Variants in EMILIN2 observed in about 807,000 individuals in gnomAD.
EMILIN2 encodes the protein elastin microfibril interfacer 2.
Under a neutral mutation model 87.1 loss-of-function variants are expected in EMILIN2, and 71 were observed. The observed-to-expected ratio is 0.82, with a 90% confidence interval of 0.67 to 0.99. The LOEUF (loss-of-function observed/expected upper bound fraction) is 0.99, where lower values mean the gene tolerates loss of function less well. Ranked by LOEUF, EMILIN2 falls within the 50% of genes least tolerant of loss-of-function variation. The probability of loss-of-function intolerance (pLI) is 0.00; values close to 1 mark genes in which losing one functional copy is unlikely to be tolerated. For missense variants in EMILIN2, 1,407 were observed against 1,371.8 expected, an observed-to-expected ratio of 1.03 and a Z score of -0.40; for synonymous variants, 581 against 563.4, an observed-to-expected ratio of 1.03 and a Z score of -0.44.
At chr18:2,883,290 C>A (rs147780758) in intron 2 of EMILIN2, among the ~76,000 whole-genome samples, 2 of 152,160 alleles carry the variant, frequency 1.3e-5, no homozygotes, top group East Asian at 1.9e-4. Context: ...AGTCCACCTG[C>A]CACAGGGCTG....
intron 3 of EMILIN2, among the ~76,000 whole-genome samples, chr18:2,888,284 A>C (rs1006431651): frequency 2.0e-5 from 3 of 152,140 alleles, no homozygotes; most frequent in South Asian, 2.1e-4. Context: ...TTGCACAGTC[A>C]CCGTGGTATA....
chr18:2,880,464 C>T lies in EMILIN2; in HGVS notation c.258-4500C>T, dbSNP rs1464911471. ...TCACAGGGGCGAGGCGGCAGGGCGA[C>T]AGGCCCAGGGTTACAGCCCCAAGGG... On this transcript the variant is annotated intron_variant, in intron 2 of 7. Coordinates refer to ENST00000254528, the MANE Select transcript of EMILIN2 (RefSeq NM_032048.3). The surrounding 1 kb of genome is among the most constrained non-coding windows in gnomAD (Gnocchi z 4.1). 6.6e-6 allele frequency among the ~76,000 whole-genome samples: 1 copy of T among 152,214 alleles called. No individual in the cohort carries two copies. Among genetic ancestry groups the T allele is most frequent in the African/African-American group, 2.4e-5 (1 of 41,450 alleles).
intron 2 of EMILIN2, among the ~76,000 whole-genome samples, chr18:2,861,929 TC>T (rs2076663138): frequency 6.6e-6 from 1 of 152,238 alleles, no homozygotes; most frequent in South Asian, 2.1e-4. Context: ...TTTGTAGTTC[TC>T]CTTGAAGAGG....
chr18:2,913,253 GC>G lies in EMILIN2; in HGVS notation c.3014del (p.Pro1005ArgfsTer10). On this transcript the variant is annotated frameshift_variant, in exon 8 of 8. Coordinates refer to ENST00000254528, the MANE Select transcript of EMILIN2 (RefSeq NM_032048.3). LOFTEE classifies it high-confidence loss of function. ...CCAGGAGCTTTGCATACCTGCGGGG[GC>G]CCGGGGGCATTCCACCTCATCGTGC... ...RPPGALHTCG[G>X]PGAFHLIVHL... is the part of the protein sequence containing the mutation. 6.2e-7 allele frequency: 1 copy of G among 1,613,946 alleles called. No individual in the cohort carries two copies. Among genetic ancestry groups the G allele is most frequent in the East Asian group, 2.2e-5 (1 of 44,872 alleles).
intron 2 of EMILIN2, among the ~76,000 whole-genome samples, chr18:2,866,686 ATTTC>A (rs1315551795): frequency 2.6e-5 from 4 of 152,056 alleles, no homozygotes; most frequent in Non-Finnish European, 5.9e-5. Context: ...GATGCCCTTT[ATTTC>A]TTTCTTGTCT....
intron 3 of EMILIN2, among the ~76,000 whole-genome samples, chr18:2,886,689 A>T (rs2076805054): frequency 6.6e-6 from 1 of 152,212 alleles, no homozygotes; most frequent in Admixed American, 6.5e-5. Context: ...CAGCTGAGCC[A>T]TGTGGTGTAC....
Position 2,913,078 on chromosome 18 carries a change from G to T in EMILIN2, c.2836G>T (p.Ala946Ser). The change falls in exon 8 of 8, where the codon GCT (alanine) becomes TCT (serine). Residue 946 changes from alanine (A) to serine (S), a missense_variant. Coordinates refer to ENST00000254528, the MANE Select transcript of EMILIN2 (RefSeq NM_032048.3). ...CTTTCTCCCCGCAGGGGTCTTCACG[G>T]CTCCTTATGATGGGCGCTACCTGAT... ...VYNPSTGVFT[A>S]PYDGRYLITA... The T allele has an allele frequency of 6.2e-7, 1 of 1,609,710 alleles. No homozygotes were observed.
At position 2,896,599 on chromosome 18, in the gene EMILIN2, C is replaced by T. The variant is rs73369492; in HGVS notation, c.2359+4113C>T. 8.6e-3 allele frequency among the ~76,000 whole-genome samples: 1,316 copies of T among 152,330 alleles called. 25 individuals carry two copies. The highest frequency in any genetic ancestry group is 0.03 in the African/African-American group (1,235 of 41,556). ...AGGTGATCCTCCCACCTCAGCCACCCAGGTAGCTAGTACTACTGGCACGTG... is the reference window on the plus strand; with the variant it reads ...AGGTGATCCTCCCACCTCAGCCACCTAGGTAGCTAGTACTACTGGCACGTG... On this transcript the variant is annotated intron_variant, in intron 4 of 7. Transcript: ENST00000254528.
chr18:2,872,244 T>C (rs1222224988), intron 2 of EMILIN2, among the ~76,000 whole-genome samples: 2 of 152,258 alleles, frequency 1.3e-5, no homozygotes, highest in Non-Finnish European at 2.9e-5. Context: ...CATGTGTTTT[T>C]AGCTTGTCTT....
rs2076872322 is a variant in EMILIN2 at position 2,898,171 on chromosome 18, T to TG, written c.2359+5686dup. Among the ~76,000 whole-genome samples the TG allele has an allele frequency of 2.6e-5, 4 of 152,188 alleles. No homozygotes were observed. In the South Asian group the frequency reaches 8.3e-4, roughly 32 times the overall value. ...AGCCTTACCCCCACTCGAGTCTGAGTGACCCATGAGTGATTCATAGGGAAT... is the reference window on the plus strand; with the variant it reads ...AGCCTTACCCCCACTCGAGTCTGAGTGGACCCATGAGTGATTCATAGGGAAT... On this transcript the variant is annotated intron_variant, in intron 4 of 7. Transcript: ENST00000254528.
intron 3 of EMILIN2, among the ~76,000 whole-genome samples, chr18:2,887,543 T>TTCCCTCTTGC (rs1870782903): frequency 6.6e-6 from 1 of 152,086 alleles, no homozygotes; most frequent in Non-Finnish European, 1.5e-5. Flanking sequence ...ACCTTCTCCC[T>TTCCCTCTTGC]TCCCTCTTGC....
At chr18:2,909,670 T>G (rs2076931717) in intron 6 of EMILIN2, 21 bp from the exon 7 acceptor site, 1 of 1,613,004 alleles carries the variant, frequency 6.2e-7, no homozygotes, top group African/African-American at 1.3e-5. Context: ...GTCAATCCAT[T>G]CCATCCTTTC....
chr18:2,849,516 C>G (rs2076592838), intron 2 of EMILIN2, among the ~76,000 whole-genome samples: 1 of 152,136 alleles, frequency 6.6e-6, no homozygotes, highest in South Asian at 2.1e-4. Flanking sequence ...GACCAAAACT[C>G]AGTGAAACTT....
rs143063594 is a variant in EMILIN2 at position 2,852,675 on chromosome 18, C to T, written c.257+4744C>T. Among the ~76,000 whole-genome samples, 227 of 152,276 alleles carry T rather than the reference C, an allele frequency of 1.5e-3. 2 individuals are homozygous for T. The highest frequency in any genetic ancestry group is 2.3e-3 in the Non-Finnish European group (157 of 68,032). ...CTGAGATTACAGGCCTGTACCACCACGCCCAGCTAATTTTTGTATTTTTAG... is the reference window on the plus strand; with the variant it reads ...CTGAGATTACAGGCCTGTACCACCATGCCCAGCTAATTTTTGTATTTTTAG... On this transcript the variant is annotated intron_variant, in intron 2 of 7. Coordinates refer to ENST00000254528, the MANE Select transcript of EMILIN2 (RefSeq NM_032048.3).
At chr18:2,903,904 T>C (rs2076898863) in intron 4 of EMILIN2, among the ~76,000 whole-genome samples, 1 of 152,216 alleles carries the variant, frequency 6.6e-6, no homozygotes, top group South Asian at 2.1e-4. Context: ...CCTAGAAAAG[T>C]CTTTAGCCTC....
At position 2,914,807 on chromosome 18, in the gene EMILIN2, G is replaced by A. The variant is rs1271921032; in HGVS notation, c.*1403G>A. On this transcript the variant is annotated 3_prime_UTR_variant, in exon 8 of 8. Coordinates refer to ENST00000254528, the MANE Select transcript of EMILIN2 (RefSeq NM_032048.3). ...TATTTACTCCCCCCGCCACAGCTAG[G>A]AAGACCAGCAAGAACTAAAGGTTTG... is the stretch of plus-strand genomic sequence containing the variant. 6.6e-6 allele frequency: 1 copy of A among 152,194 alleles called. No individual in the cohort carries two copies. Among genetic ancestry groups the A allele is most frequent in the Non-Finnish European group, 1.5e-5 (1 of 68,044 alleles). 9.4% of individuals were successfully genotyped at this position (152,194 alleles called of 1,614,324 possible). A position where few individuals can be genotyped will look rare whatever the true frequency, so the allele number is the denominator to read the frequency against.
intron 2 of EMILIN2, among the ~76,000 whole-genome samples, chr18:2,850,157 G>A (rs1162794362): frequency 2.0e-5 from 3 of 149,550 alleles, no homozygotes; most frequent in African/African-American, 5.0e-5. Flanking sequence ...GGTAAGGCTG[G>A]TCTCGAACTT....
Position 2,847,820 on chromosome 18 carries a change from C to T in EMILIN2, c.146C>T (p.Ala49Val). 1 of 1,613,352 alleles carries T rather than the reference C, an allele frequency of 6.2e-7. No homozygotes were observed. Among genetic ancestry groups the T allele is most frequent in the Non-Finnish European group, 8.5e-7 (1 of 1,179,804 alleles). Reference sequence around the variant, plus strand: ...CTCCTGCACCCCAGGAACTGGTGCGCCTACATCGTGAACAAGAATGTGAGC... The same window carrying T: ...CTCCTGCACCCCAGGAACTGGTGCGTCTACATCGTGAACAAGAATGTGAGC... ...RPSARNKNWC[A>V]YIVNKNVSCS... The change falls in exon 2 of 8, where the codon GCC (alanine) becomes GTC (valine). Residue 49 changes from alanine (A) to valine (V), a missense_variant. Ala to Val is a moderately conservative substitution (Grantham distance 64, BLOSUM62 0). Coordinates refer to ENST00000254528, the MANE Select transcript of EMILIN2 (RefSeq NM_032048.3). This position sits in a 1 kb window ranked among gnomAD's most constrained non-coding sequence, Gnocchi z 4.5.
rs1170444484 is a variant in EMILIN2, at chr18:2,847,769, T to C, written c.135-40T>C. The C allele has an allele frequency of 6.2e-7, 1 of 1,605,834 alleles. No homozygotes were observed. The highest frequency in any genetic ancestry group is 8.5e-7 in the Non-Finnish European group (1 of 1,178,096). ...TCCCCTGGCCTCATTGTTCTCCGGG[T>C]TTACCCCGTGCCCCTCTCCCTCTCT... On this transcript the variant is annotated intron_variant, in intron 1 of 7. Coordinates refer to ENST00000254528, the MANE Select transcript of EMILIN2 (RefSeq NM_032048.3). The surrounding 1 kb of genome is among the most constrained non-coding windows in gnomAD (Gnocchi z 4.5).
Sources: allele counts gnomAD v4.1 joint callset (sites outside exome capture counted in the v4.1 genomes callset), GRCh38; gene constraint gnomAD v4.1.1; non-coding constraint Gnocchi (gnomAD v3.1); transcripts MANE v1.5; gene names NCBI Gene and HGNC (gene_info 2026-07-23, HGNC 2026-07-21).